The following RPS6KC1 variants were observed in gnomAD, a reference collection of about 807,000 sequenced individuals.
RPS6KC1 encodes the protein inactive ribosomal protein S6 kinase delta-1.
RPS6KC1 carries 54 observed loss-of-function variants against 103.8 expected under a neutral mutation model. That is an observed-to-expected ratio of 0.52 (90% CI 0.42 to 0.65). The LOEUF is 0.65. RPS6KC1 is among the 30% of genes least tolerant of loss of function. RPS6KC1 has a pLI of 0.00. For synonymous variants in RPS6KC1, 439 were observed against 438.7 expected (o/e 1.00, Z -0.01); for missense variants, 1,151 against 1,253.8 (o/e 0.92, Z 1.24).
the RPS6KC1 span, among the ~76,000 whole-genome samples, chr1:213,769,109 T>A: frequency 1.2e-4 from 19 of 152,130 alleles, no homozygotes; most frequent in East Asian, 3.1e-3. Context: ...ATGGGCATGA[T>A]TAGGGATCCA....
the RPS6KC1 span, among the ~76,000 whole-genome samples, chr1:213,606,329 T>G: frequency 6.6e-6 from 1 of 152,188 alleles, no homozygotes; most frequent in African/African-American, 2.4e-5. Flanking sequence ...AACCAATCTC[T>G]TATCACTGGC....
chr1:213,819,855 T>C, the RPS6KC1 span: 3 of 152,302 alleles, frequency 2.0e-5, no homozygotes, highest in South Asian at 6.2e-4. Flanking sequence ...AAAATTGGGA[T>C]GTAAAAGAAA....
the RPS6KC1 span, chr1:213,839,691 G>A: frequency 6.6e-6 from 1 of 152,036 alleles, no homozygotes; most frequent in Non-Finnish European, 1.5e-5. Context: ...TACAGTATGG[G>A]CTTTGGAACT....
the RPS6KC1 span, among the ~76,000 whole-genome samples, chr1:213,470,159 T>C: frequency 5.3e-5 from 8 of 152,338 alleles, no homozygotes. Flanking sequence ...GTTTGAAGGA[T>C]CCAAGCAAGG....
chr1:213,626,969 G>C, the RPS6KC1 span, among the ~76,000 whole-genome samples: 4 of 152,126 alleles, frequency 2.6e-5, no homozygotes, highest in African/African-American at 9.7e-5. Flanking sequence ...GAAGAAAGTC[G>C]TAGGTAGCTT....
the RPS6KC1 span, among the ~76,000 whole-genome samples, chr1:213,517,209 T>C: frequency 6.6e-6 from 1 of 152,126 alleles, no homozygotes; most frequent in Non-Finnish European, 1.5e-5. Context: ...TTTGAAGCAT[T>C]TTTTGTGTCT....
chr1:213,484,289 A>G, the RPS6KC1 span, among the ~76,000 whole-genome samples: 7 of 152,218 alleles, frequency 4.6e-5, no homozygotes. Context: ...GCTGCTCAGT[A>G]TCTTTCACAA....
the RPS6KC1 span, among the ~76,000 whole-genome samples, chr1:213,859,700 A>G: frequency 3.9e-5 from 6 of 152,230 alleles, no homozygotes; most frequent in South Asian, 8.3e-4. Flanking sequence ...CTGCTTGTCC[A>G]GAAAATACTG....
At chr1:213,557,286 T>C in the RPS6KC1 span, among the ~76,000 whole-genome samples, 1 of 152,148 alleles carries the variant, frequency 6.6e-6, no homozygotes, top group Non-Finnish European at 1.5e-5. Flanking sequence ...AATTCTTGAG[T>C]TTCCAGGCCT....
the RPS6KC1 span, among the ~76,000 whole-genome samples, chr1:213,422,892 G>A: frequency 2.4e-4 from 37 of 152,340 alleles, no homozygotes; most frequent in African/African-American, 7.9e-4. Context: ...ATAGGTTGAT[G>A]CTCTTGCTTA....
chr1:213,649,374 A>G, the RPS6KC1 span, among the ~76,000 whole-genome samples: 1 of 151,682 alleles, frequency 6.6e-6, no homozygotes, highest in Admixed American at 6.6e-5. Flanking sequence ...CTGCTTCTCA[A>G]CAGCCTCTGG....
chr1:213,565,673 A>G, the RPS6KC1 span, among the ~76,000 whole-genome samples: 1 of 152,200 alleles, frequency 6.6e-6, no homozygotes, highest in Non-Finnish European at 1.5e-5. Context: ...TTTATATTTG[A>G]TATGTGTTTG....
At chr1:213,592,306 A>G in the RPS6KC1 span, among the ~76,000 whole-genome samples, 1 of 152,264 alleles carries the variant, frequency 6.6e-6, no homozygotes, top group Non-Finnish European at 1.5e-5. Context: ...TAAAAATTAA[A>G]TGGAAAGCAT....
chr1:213,519,032 A>G, the RPS6KC1 span, among the ~76,000 whole-genome samples: 1 of 152,220 alleles, frequency 6.6e-6, no homozygotes, highest in Non-Finnish European at 1.5e-5. Flanking sequence ...TGAATTTTAT[A>G]TAACAACTAC....
intron 8 of RPS6KC1, among the ~76,000 whole-genome samples, chr1:213,191,538 G>A (rs2092744985): frequency 6.6e-6 from 1 of 151,926 alleles, no homozygotes; most frequent in South Asian, 2.1e-4. Context: ...AGTTTTTTAG[G>A]GGAGTCTTTA....
At chr1:213,811,701 T>C in the RPS6KC1 span, among the ~76,000 whole-genome samples, 1 of 152,176 alleles carries the variant, frequency 6.6e-6, no homozygotes, top group African/African-American at 2.4e-5. Flanking sequence ...TTCCCTGTCA[T>C]CCAGTTTTTC....
At chr1:213,363,952 G>A in the RPS6KC1 span, among the ~76,000 whole-genome samples, 2 of 151,476 alleles carry the variant, frequency 1.3e-5, no homozygotes, top group Admixed American at 6.6e-5. Flanking sequence ...CTGACGTTGA[G>A]TATTTTGCTT....
At chr1:213,205,567 T>TATATATATATATATATATATC (rs57191154) in intron 8 of RPS6KC1, among the ~76,000 whole-genome samples, 1 of 138,680 alleles carries the variant, frequency 7.2e-6, no homozygotes, top group Non-Finnish European at 1.6e-5. Context: ...TATATATATA[T>TATATATATATATATATATATC]TTCAAAAGAA....
chr1:213,426,962 T>C, the RPS6KC1 span, among the ~76,000 whole-genome samples: 5 of 152,210 alleles, frequency 3.3e-5, no homozygotes, highest in African/African-American at 9.7e-5. Flanking sequence ...TAATAGAACT[T>C]TGAGTTATAA....
Sources: allele counts gnomAD v4.1 joint callset (sites outside exome capture counted in the v4.1 genomes callset), GRCh38; gene constraint gnomAD v4.1.1; transcripts MANE v1.5; gene names NCBI Gene and HGNC (gene_info 2026-07-23, HGNC 2026-07-21).